The following TAFA5 variants were observed in gnomAD, a reference collection of about 807,000 sequenced individuals.
TAFA5 encodes TAFA chemokine like family member 5, also known as chemokine-like protein TAFA-5.
A neutral mutation model predicts 15.3 loss-of-function variants in TAFA5; 6 were observed. The observed-to-expected ratio is 0.39, with a 90% confidence interval of 0.21 to 0.77. The LOEUF is 0.77. Ranked by LOEUF, TAFA5 falls within the 30% of genes least tolerant of loss-of-function variation. TAFA5 has a pLI of 0.41. For synonymous variants in TAFA5, 103 were observed against 80.7 expected (o/e 1.28, Z -1.48); for missense variants, 161 against 193.1 (o/e 0.83, Z 0.98).
chr22:48,663,776 A>G (rs1322946885), intron 2 of TAFA5, among the ~76,000 whole-genome samples: 3 of 152,150 alleles, frequency 2.0e-5, no homozygotes, highest in African/African-American at 2.4e-5. Flanking sequence ...TCAGCTGCCT[A>G]TTAGTCACTA....
chr22:48,660,180 T>TTGTCTTCGGACACGCTGTGCCCTCAC (rs1927386286), intron 2 of TAFA5, among the ~76,000 whole-genome samples: 1 of 152,196 alleles, frequency 6.6e-6, no homozygotes, highest in African/African-American at 2.4e-5. Context: ...TCTAAACTCA[T>TTGTCTTCGGACACGCTGTGCCCTCAC]TGTCTTCGGA....
chr22:48,741,487 C>T (rs1930179982), intron 3 of TAFA5, among the ~76,000 whole-genome samples: 1 of 152,222 alleles, frequency 6.6e-6, no homozygotes, highest in South Asian at 2.1e-4. Context: ...CCCTCAGCAG[C>T]TCTTTTGGAC....
chr22:48,593,189 G>C (rs534989817), intron 1 of TAFA5, among the ~76,000 whole-genome samples: 26 of 152,208 alleles, frequency 1.7e-4, no homozygotes, highest in African/African-American at 3.1e-4. Context: ...TCCTGAGGCC[G>C]AGGCCAGCCC....
intron 1 of TAFA5, among the ~76,000 whole-genome samples, chr22:48,569,420 C>T (rs983603904): frequency 8.5e-5 from 13 of 152,120 alleles, no homozygotes; most frequent in Admixed American, 1.3e-4. Context: ...GGGGTCTGGG[C>T]GCCTTGCTGT....
At chr22:48,708,655 T>G (rs553236122) in intron 3 of TAFA5, among the ~76,000 whole-genome samples, 9 of 152,344 alleles carry the variant, frequency 5.9e-5, no homozygotes, top group Admixed American at 5.9e-4. Flanking sequence ...GCTCCTCCTT[T>G]GAGGTTGGCA....
chr22:48,572,136 G>T (rs1243132684), intron 1 of TAFA5, among the ~76,000 whole-genome samples: 1 of 152,182 alleles, frequency 6.6e-6, no homozygotes, highest in Admixed American at 6.5e-5. Context: ...GTCCCCTAAG[G>T]TTCAAGTGTA....
chr22:48,698,804 C>T (rs184312086), intron 2 of TAFA5, among the ~76,000 whole-genome samples: 8 of 109,340 alleles, frequency 7.3e-5, no homozygotes, highest in Non-Finnish European at 1.2e-4. Context: ...CGTGCGTGGC[C>T]GGGGCTGTGC....
intron 1 of TAFA5, among the ~76,000 whole-genome samples, chr22:48,590,621 A>T (rs573704861): frequency 9.2e-5 from 14 of 152,304 alleles, no homozygotes; most frequent in African/African-American, 3.4e-4. Context: ...TGCCATACAC[A>T]GACCCAGGAC....
intron 1 of TAFA5, among the ~76,000 whole-genome samples, chr22:48,611,587 G>A (rs1569047122): frequency 6.6e-6 from 1 of 152,086 alleles, no homozygotes; most frequent in Admixed American, 6.6e-5. Flanking sequence ...TTTACCCTCC[G>A]TGTCCTGCCA....
intron 1 of TAFA5, among the ~76,000 whole-genome samples, chr22:48,534,761 C>T (rs371959154): frequency 3.3e-5 from 5 of 152,176 alleles, no homozygotes; most frequent in South Asian, 2.1e-4. Flanking sequence ...CGGCGGGCAC[C>T]GCGGGCGCAC....
chr22:48,527,157 G>T (rs914595360), intron 1 of TAFA5, among the ~76,000 whole-genome samples: 11 of 152,258 alleles, frequency 7.2e-5, no homozygotes, highest in Admixed American at 1.3e-4. Context: ...CAGGCCATGT[G>T]GTTCACCCTC....
At chr22:48,590,278 C>T (rs865778201) in intron 1 of TAFA5, among the ~76,000 whole-genome samples, 22 of 152,292 alleles carry the variant, frequency 1.4e-4, no homozygotes, top group African/African-American at 4.3e-4. Context: ...AATGCTCCTC[C>T]TTCCATAAAT....
At chr22:48,535,424 G>C (rs1922121824) in intron 1 of TAFA5, among the ~76,000 whole-genome samples, 1 of 152,258 alleles carries the variant, frequency 6.6e-6, no homozygotes, top group Non-Finnish European at 1.5e-5. Context: ...ATATGTCACA[G>C]ATGAGCATTG....
intron 1 of TAFA5, among the ~76,000 whole-genome samples, chr22:48,639,220 C>A (rs1418739550): frequency 6.7e-6 from 1 of 149,242 alleles, no homozygotes; most frequent in African/African-American, 2.4e-5. Flanking sequence ...CCGTTGGGGA[C>A]CTGCCCCCGG....
chr22:48,623,628 A>C (rs1925930417), intron 1 of TAFA5, among the ~76,000 whole-genome samples: 1 of 152,204 alleles, frequency 6.6e-6, no homozygotes, highest in African/African-American at 2.4e-5. Context: ...CTTTCTTGGA[A>C]AGCCTGCAGA....
chr22:48,628,253 G>T (rs1024715692), intron 1 of TAFA5, among the ~76,000 whole-genome samples: 6 of 152,186 alleles, frequency 3.9e-5, no homozygotes, highest in Non-Finnish European at 7.3e-5. Flanking sequence ...GTGGGGACAT[G>T]GGGAGGCTGG....
At chr22:48,712,472 A>C (rs1287219491) in intron 3 of TAFA5, among the ~76,000 whole-genome samples, 2 of 152,228 alleles carry the variant, frequency 1.3e-5, no homozygotes, top group Non-Finnish European at 2.9e-5. Context: ...AATGTGAGAG[A>C]ACATCTGTGT....
intron 3 of TAFA5, among the ~76,000 whole-genome samples, chr22:48,739,112 C>T (rs2147272347): frequency 6.6e-6 from 1 of 152,308 alleles, no homozygotes; most frequent in East Asian, 1.9e-4. Context: ...CACCACTACC[C>T]CAGCACTGCT....
At chr22:48,749,403 C>T (rs1013092381) in intron 3 of TAFA5, among the ~76,000 whole-genome samples, 1 of 152,190 alleles carries the variant, frequency 6.6e-6, no homozygotes, top group Non-Finnish European at 1.5e-5. Flanking sequence ...CCAGGTCCCC[C>T]AGCCTGCAGC....
Sources: gnomAD v4.1 joint callset for allele counts (sites outside exome capture counted in the v4.1 genomes callset) on GRCh38, gnomAD v4.1.1 for gene constraint, MANE v1.5 for transcripts, NCBI Gene and HGNC (gene_info 2026-07-23, HGNC 2026-07-21) for gene names.